NAALADL2: variants seen among roughly 807,000 people sequenced by gnomAD.
NAALADL2 encodes N-acetylated alpha-linked acidic dipeptidase like 2.
In NAALADL2, 76 loss-of-function variants were observed where a neutral mutation model predicts 87.2. The observed-to-expected ratio is 0.87, with a 90% CI of 0.72 to 1.05. The LOEUF (loss-of-function observed/expected upper bound fraction) is 1.05, where lower values mean the gene tolerates loss of function less well. Ranked by LOEUF, NAALADL2 falls within the 50% of genes least tolerant of loss-of-function variation. The pLI, the probability that NAALADL2 is intolerant of heterozygous loss-of-function variation, is 0.00. For synonymous variants in NAALADL2, 354 were observed against 331.0 expected, an observed-to-expected ratio of 1.07 and a Z score of -0.75; for missense variants, 1,089 against 945.8, an observed-to-expected ratio of 1.15 and a Z score of -1.99.
At chr3:174,667,404 C>T (rs1234265994) in intron 2 of NAALADL2, among the ~76,000 whole-genome samples, 1 of 152,060 alleles carries the variant, frequency 6.6e-6, no homozygotes, top group Admixed American at 6.6e-5. Flanking sequence ...GGGGTCTTAT[C>T]ATGAATATAC....
At chr3:174,921,804 CAAA>C (rs546555666) in intron 1 of NAALADL2, among the ~76,000 whole-genome samples, 1 of 42,428 alleles carries the variant, frequency 2.4e-5, no homozygotes, top group Non-Finnish European at 4.4e-5. Context: ...GACTCCGTCT[CAAA>C]AAAAAAAAAA....
At chr3:175,302,406 A>G (rs1757194107) in intron 4 of NAALADL2, among the ~76,000 whole-genome samples, 1 of 152,178 alleles carries the variant, frequency 6.6e-6, no homozygotes, top group African/African-American at 2.4e-5. Flanking sequence ...GGATTTTACA[A>G]TAATAATTAT....
chr3:175,124,573 T>C (rs1450735434), intron 2 of NAALADL2: 1 of 152,006 alleles, frequency 6.6e-6, no homozygotes, highest in Non-Finnish European at 1.5e-5. Context: ...ATTTTTGTCA[T>C]ATAGCCTTCC....
intron 2 of NAALADL2, among the ~76,000 whole-genome samples, chr3:174,711,831 T>C (rs990186245): frequency 4.6e-5 from 7 of 152,196 alleles, no homozygotes; most frequent in Admixed American, 4.6e-4. Context: ...AGAAAGTCTC[T>C]TTCTGTTGCC....
intron 9 of NAALADL2, among the ~76,000 whole-genome samples, chr3:175,478,809 A>G (rs886230027): frequency 6.6e-6 from 1 of 151,876 alleles, no homozygotes; most frequent in Non-Finnish European, 1.5e-5. Flanking sequence ...ATTCTGTAAC[A>G]GTATCATTAA....
intron 9 of NAALADL2, among the ~76,000 whole-genome samples, chr3:175,569,133 G>A (rs1717649014): frequency 6.6e-6 from 1 of 151,958 alleles, no homozygotes; most frequent in Admixed American, 6.6e-5. Context: ...AGAACCCTTG[G>A]GCATTAGGAT....
intron 2 of NAALADL2, among the ~76,000 whole-genome samples, chr3:174,655,926 T>C (rs1724871413): frequency 1.3e-5 from 2 of 152,200 alleles, no homozygotes; most frequent in Non-Finnish European, 2.9e-5. Flanking sequence ...GTAGGGGTGA[T>C]GTTGTTGTTC....
chr3:174,481,930 T>C (rs1414373471), intron 1 of NAALADL2, among the ~76,000 whole-genome samples: 1 of 152,046 alleles, frequency 6.6e-6, no homozygotes, highest in Non-Finnish European at 1.5e-5. Context: ...TCCAGACTCT[T>C]AGAAGGAAAA....
At chr3:175,268,265 T>C (rs62285944) in intron 4 of NAALADL2, among the ~76,000 whole-genome samples, 5 of 152,032 alleles carry the variant, frequency 3.3e-5, no homozygotes, top group African/African-American at 1.2e-4. Flanking sequence ...GCAATTATAA[T>C]GTAGTAGTAA....
chr3:175,430,578 T>C (rs16825694), intron 5 of NAALADL2, among the ~76,000 whole-genome samples: 10,237 of 152,064 alleles, frequency 0.067, 817 homozygotes, highest in African/African-American at 0.18. Context: ...TATCTTCATA[T>C]TTACATCTTA....
At chr3:175,504,206 G>A (rs534014687) in intron 9 of NAALADL2, among the ~76,000 whole-genome samples, 1 of 152,238 alleles carries the variant, frequency 6.6e-6, no homozygotes. Context: ...CTTTTGTTGA[G>A]TTTGTCAAAG....
intron 1 of NAALADL2, among the ~76,000 whole-genome samples, chr3:175,088,440 A>G (rs1719467373): frequency 6.6e-6 from 1 of 152,242 alleles, no homozygotes; most frequent in Non-Finnish European, 1.5e-5. Context: ...AAGAACAAGT[A>G]TGAGAAAAGC....
At chr3:175,128,457 CT>C (rs926508962) in intron 2 of NAALADL2, among the ~76,000 whole-genome samples, 5 of 102,654 alleles carry the variant, frequency 4.9e-5, no homozygotes, top group Non-Finnish European at 9.6e-5. Context: ...TTCAATTTAC[CT>C]TTTTTTTCTC....
rs1754618065 is a variant in NAALADL2, at chr3:175,805,444, G to A, written c.*2241G>A. On this transcript the variant is annotated 3_prime_UTR_variant, in exon 14 of 14. Transcript: ENST00000454872. Reference sequence around the variant, plus strand: ...ATTAGTCTATTAAAAGATACGTGGAGATATTAAATTATACCTAAAGCAGAC... The same window carrying A: ...ATTAGTCTATTAAAAGATACGTGGAAATATTAAATTATACCTAAAGCAGAC... 1 of 151,816 alleles carries A rather than the reference G, an allele frequency of 6.6e-6. No homozygotes were observed. The highest frequency in any genetic ancestry group is 2.1e-4 in the South Asian group (1 of 4,832). 9.4% of individuals were successfully genotyped at this position (151,816 alleles called of 1,614,324 possible).
At chr3:174,951,285 G>A (rs1331743714) in intron 1 of NAALADL2, among the ~76,000 whole-genome samples, 1 of 151,440 alleles carries the variant, frequency 6.6e-6, no homozygotes, top group Non-Finnish European at 1.5e-5. Flanking sequence ...ATTCTCAGGA[G>A]GCAAGAATAA....
At chr3:174,744,350 C>A (rs181048615) in intron 3 of NAALADL2, among the ~76,000 whole-genome samples, 121 of 151,668 alleles carry the variant, frequency 8.0e-4, no homozygotes, top group African/African-American at 2.7e-3. Flanking sequence ...ATTAAGAAGG[C>A]CACTAGCATT....
At chr3:175,430,971 T>A (rs940552913) in intron 5 of NAALADL2, among the ~76,000 whole-genome samples, 2 of 152,076 alleles carry the variant, frequency 1.3e-5, no homozygotes, top group African/African-American at 4.8e-5. Context: ...ATATTTTTAT[T>A]GAAACTTGAG....
chr3:174,604,298 C>T (rs901113806), intron 2 of NAALADL2, among the ~76,000 whole-genome samples: 6 of 152,034 alleles, frequency 3.9e-5, no homozygotes, highest in Non-Finnish European at 8.8e-5. Flanking sequence ...GCTGAATTGA[C>T]CCCTTTATCA....
At chr3:175,598,349 G>C (rs1722514465) in intron 10 of NAALADL2, among the ~76,000 whole-genome samples, 1 of 140,978 alleles carries the variant, frequency 7.1e-6, no homozygotes, top group African/African-American at 2.9e-5. Flanking sequence ...ATAGCCCTAA[G>C]ATTTTTTTTT....
Sources: gnomAD v4.1 joint callset for allele counts (sites outside exome capture counted in the v4.1 genomes callset) on GRCh38, gnomAD v4.1.1 for gene constraint, MANE v1.5 for transcripts, NCBI Gene and HGNC (gene_info 2026-07-23, HGNC 2026-07-21) for gene names.